Variants in PADI3 observed in about 807,000 individuals in gnomAD.
PADI3 encodes the protein protein-arginine deiminase type-3.
PADI3 carries 53 observed loss-of-function variants against 71.5 expected under a neutral mutation model. The observed-to-expected ratio is 0.74, with a 90% CI of 0.59 to 0.93. The LOEUF (loss-of-function observed/expected upper bound fraction) is 0.93. Ranked by LOEUF, PADI3 falls within the 40% of genes least tolerant of loss-of-function variation. The probability of loss-of-function intolerance (pLI) is 0.00; values close to 1 mark genes in which losing one functional copy is unlikely to be tolerated. For synonymous variants in PADI3, 361 were observed against 347.5 expected (o/e 1.04, Z -0.43); for missense variants, 821 against 868.0 (o/e 0.95, Z 0.68).
chr1:17,281,843 C>T (rs925313251), intron 15 of PADI3, among the ~76,000 whole-genome samples: 5 of 152,206 alleles, frequency 3.3e-5, no homozygotes, highest in East Asian at 3.9e-4. Flanking sequence ...AAGCACGGCC[C>T]GAGGCACTGC....
At chr1:17,270,810 G>GA (rs2073237069) in intron 7 of PADI3, 69 bp from the exon 8 acceptor site, 1 of 1,089,690 alleles carries the variant, frequency 9.2e-7, no homozygotes, top group Non-Finnish European at 1.4e-6. Flanking sequence ...CACAGTGGTG[G>GA]AATCAGAGTC....
At chr1:17,267,123 C>T (rs2073180896) in intron 5 of PADI3, among the ~76,000 whole-genome samples, 1 of 152,186 alleles carries the variant, frequency 6.6e-6, no homozygotes. Flanking sequence ...TATTTGAGCA[C>T]CTACTGTGTG....
chr1:17,281,304 C>T (rs889938537), intron 15 of PADI3, among the ~76,000 whole-genome samples: 35 of 152,114 alleles, frequency 2.3e-4, no homozygotes, highest in Non-Finnish European at 8.8e-5. Context: ...TAGGATAAGG[C>T]GATGTGGCAG....
In PADI3 at chr1:17,271,133, G is replaced by A; in HGVS notation, c.1002G>A (p.Leu334=). The A allele has an allele frequency of 6.2e-7, 1 of 1,613,806 alleles. No individual in the cohort carries two copies. Among genetic ancestry groups the A allele is most frequent in the Non-Finnish European group, 8.5e-7 (1 of 1,180,008 alleles). ...AELARKAGCK[L]TICPQAENRN... ...TGGCCAGGAAGGCCGGCTGCAAGCT[G>A]ACCATCTGCCCACAGGCCGAGAACC... The change falls in exon 9 of 16, where the codon CTG becomes CTA. Residue 334 remains leucine (L), a synonymous_variant. Transcript: ENST00000375460.
intron 11 of PADI3, among the ~76,000 whole-genome samples, chr1:17,275,518 A>G (rs1476331207): frequency 6.6e-6 from 1 of 152,170 alleles, no homozygotes; most frequent in Admixed American, 6.6e-5. Flanking sequence ...TTTAGGTCAA[A>G]GCTTGTTCAT....
chr1:17,259,444 C>T lies in PADI3; in HGVS notation c.93-134C>T, dbSNP rs1053076633. 7.0e-6 allele frequency: 5 copies of T among 712,140 alleles called. No homozygotes were observed. The African/African-American group carries it at 7.2e-5, about 10-fold the overall frequency. 44.1% of individuals were successfully genotyped at this position (712,140 alleles called of 1,614,324 possible). A position where few individuals can be genotyped will look rare whatever the true frequency, so the allele number is the denominator to read the frequency against. On this transcript the variant is annotated intron_variant, in intron 1 of 15. Coordinates refer to ENST00000375460, the MANE Select transcript of PADI3 (RefSeq NM_016233.2). The stretch of plus-strand genomic sequence containing the variant: ...GGGGTCCAGGCTTGACTCGCAGGAG[C>T]TTACTGTGAGGATCTGAGGGGACTG...
chr1:17,255,275 G>A (rs1299032206), intron 1 of PADI3, among the ~76,000 whole-genome samples: 1 of 152,190 alleles, frequency 6.6e-6, no homozygotes, highest in East Asian at 1.9e-4. Context: ...GATGCTGTTG[G>A]CCACCCTACC....
chr1:17,276,822 C>A lies in PADI3; in HGVS notation c.1501C>A (p.Gln501Lys). 4 of 1,613,716 alleles carry A rather than the reference C, an allele frequency of 2.5e-6. No homozygotes were observed. The highest frequency in any genetic ancestry group is 3.4e-6 in the Non-Finnish European group (4 of 1,179,844). The part of the protein sequence containing the change: ...ASPGACFKLF[Q>K]EKQKCGHGRA... Reference sequence around the variant, plus strand: ...CCCTGGGGCCTGCTTCAAGCTCTTCCAGGAAAAGCAGAAGTGTGGCCACGG... The same window carrying A: ...CCCTGGGGCCTGCTTCAAGCTCTTCAAGGAAAAGCAGAAGTGTGGCCACGG... The change falls in exon 13 of 16, where the codon CAG becomes AAG. Residue 501 changes from glutamine to lysine, a missense_variant. Transcript: ENST00000375460.
Position 17,273,454 on chromosome 1 carries a change from G to T in PADI3, c.1155+7G>T. On this transcript the variant is annotated splice_region_variant and intron_variant, in intron 10 of 15. Transcript: ENST00000375460. ...CCCTTACAAAAGAATCCTGGTGAGT[G>T]GTCCCGGCCGCAGCCCACCCCTGAG... The T allele has an allele frequency of 6.3e-7, 1 of 1,595,852 alleles. No individual in the cohort carries two copies. The highest frequency in any genetic ancestry group is 8.6e-7 in the Non-Finnish European group (1 of 1,164,492).
chr1:17,280,590 T>G (rs2073387871), intron 14 of PADI3, 81 bp from the exon 15 acceptor site: 1 of 1,593,534 alleles, frequency 6.3e-7, no homozygotes, highest in South Asian at 1.1e-5. Flanking sequence ...CCAGAAGAAG[T>G]GAGGGGAGCG....
intron 1 of PADI3, 36 bp from the exon 2 acceptor site, chr1:17,259,542 C>A (rs747808353): frequency 1.3e-6 from 2 of 1,531,734 alleles, no homozygotes; most frequent in South Asian, 2.5e-5. Context: ...AAATATATCT[C>A]CTTCGGCACC....
rs1381925545 is a variant in PADI3, at chr1:17,259,739, A to G, written c.254A>G (p.Asn85Ser). The G allele has an allele frequency of 1.2e-6, 2 of 1,608,184 alleles. No homozygotes were observed. The highest frequency in any genetic ancestry group is 2.2e-5 in the South Asian group (2 of 90,494). Residue 85 changes from asparagine (N) to serine (S), a missense_variant, in exon 2 of 16, where the codon AAT becomes AGT. Asn to Ser is a conservative substitution (Grantham distance 46). Coordinates refer to ENST00000375460, the MANE Select transcript of PADI3 (RefSeq NM_016233.2). ...EIIVVMNSPSNDLNDSHVQIS... is the reference protein window; with the variant it reads ...EIIVVMNSPSSDLNDSHVQIS... ...ATCGTGGTCATGAACTCCCCCAGCAATGACCTCAACGACAGCCATGTGAGC... is the reference window on the plus strand; with the variant it reads ...ATCGTGGTCATGAACTCCCCCAGCAGTGACCTCAACGACAGCCATGTGAGC...
intron 1 of PADI3, among the ~76,000 whole-genome samples, chr1:17,251,530 T>C (rs2072965735): frequency 6.6e-6 from 1 of 152,220 alleles, no homozygotes; most frequent in South Asian, 2.1e-4. Flanking sequence ...GCGCTTTCCA[T>C]ATGTTAACTA....
intron 1 of PADI3, among the ~76,000 whole-genome samples, chr1:17,257,452 G>C (rs2073042218): frequency 6.6e-6 from 1 of 152,226 alleles, no homozygotes; most frequent in Non-Finnish European, 1.5e-5. Context: ...CTTCACGGGA[G>C]TACCAAACAA....
intron 15 of PADI3, 94 bp downstream of exon 15, chr1:17,280,890 T>C (rs1421665977): frequency 1.9e-5 from 28 of 1,484,486 alleles, no homozygotes; most frequent in Non-Finnish European, 2.5e-5. Context: ...ATATTTAGGA[T>C]TGTGGTGGCC....
intron 13 of PADI3, 46 bp from the exon 14 acceptor site, chr1:17,280,304 C>T (rs373636707): frequency 5.2e-5 from 77 of 1,484,548 alleles, no homozygotes; most frequent in African/African-American, 9.7e-5. Flanking sequence ...GTGGTCCTCA[C>T]GTTGGTGCTG....
At chr1:17,272,653 C>T (rs1267420519) in intron 9 of PADI3, among the ~76,000 whole-genome samples, 1 of 152,052 alleles carries the variant, frequency 6.6e-6, no homozygotes, top group African/African-American at 2.4e-5. Flanking sequence ...ACCACAGGTG[C>T]AGCCACCAGG....
At chr1:17,266,161 CAG>C (rs1433915142) in intron 4 of PADI3, among the ~76,000 whole-genome samples, 1 of 152,186 alleles carries the variant, frequency 6.6e-6, no homozygotes, top group Non-Finnish European at 1.5e-5. Flanking sequence ...GGCAGTAGGC[CAG>C]ATTTGGCCCA....
intron 1 of PADI3, among the ~76,000 whole-genome samples, chr1:17,259,095 G>A (rs574728177): frequency 1.3e-5 from 2 of 152,286 alleles, no homozygotes; most frequent in South Asian, 2.1e-4. Flanking sequence ...TTTGAAACAG[G>A]GTCTTGCTCT....
Sources: allele counts gnomAD v4.1 joint callset (sites outside exome capture counted in the v4.1 genomes callset), GRCh38; gene constraint gnomAD v4.1.1; transcripts MANE v1.5; gene names NCBI Gene and HGNC (gene_info 2026-07-23, HGNC 2026-07-21).